NR1H4: variants seen among roughly 807,000 people sequenced by gnomAD.
NR1H4 encodes the protein bile acid receptor.
A neutral mutation model predicts 58.5 loss-of-function variants in NR1H4; 23 were observed. The ratio of observed to expected loss-of-function variants is 0.39; its 90% CI spans 0.28 to 0.56. The LOEUF is 0.56. NR1H4 is among the 20% of genes least tolerant of loss of function. The pLI is 0.58. For synonymous variants in NR1H4, 214 were observed against 198.0 expected, an observed-to-expected ratio of 1.08 and a Z score of -0.68; for missense variants, 487 against 576.9, an observed-to-expected ratio of 0.84 and a Z score of 1.60.
At chr12:100,527,196 A>G (rs2136214646) in intron 4 of NR1H4, among the ~76,000 whole-genome samples, 1 of 152,322 alleles carries the variant, frequency 6.6e-6, no homozygotes, top group Non-Finnish European at 1.5e-5. Context: ...TAAAAATGTA[A>G]ACTTCCTACT....
intron 4 of NR1H4, among the ~76,000 whole-genome samples, chr12:100,527,276 C>A (rs1191166566): frequency 6.6e-6 from 1 of 152,186 alleles, no homozygotes; most frequent in Non-Finnish European, 1.5e-5. Flanking sequence ...GCCTGTAATC[C>A]CAACAGTTTG....
intron 4 of NR1H4, among the ~76,000 whole-genome samples, chr12:100,521,301 T>C (rs558110330): frequency 5.3e-5 from 8 of 152,322 alleles, no homozygotes; most frequent in African/African-American, 1.9e-4. Flanking sequence ...TTGTAAGTAA[T>C]AACTTGGGAA....
intron 1 of NR1H4, among the ~76,000 whole-genome samples, chr12:100,489,976 A>G (rs1035438816): frequency 1.3e-5 from 2 of 152,190 alleles, no homozygotes; most frequent in Non-Finnish European, 2.9e-5. Context: ...AATCAGGGAT[A>G]ATAACTTAAA....
intron 5 of NR1H4, among the ~76,000 whole-genome samples, chr12:100,534,241 T>C (rs950308486): frequency 3.9e-5 from 6 of 152,226 alleles, no homozygotes; most frequent in African/African-American, 7.2e-5. Flanking sequence ...TGTATGATCA[T>C]TCAAAGACAT....
chr12:100,550,509 C>T (rs1031557819), intron 9 of NR1H4, among the ~76,000 whole-genome samples: 20 of 152,020 alleles, frequency 1.3e-4, no homozygotes, highest in South Asian at 4.2e-4. Context: ...GGGTTACAGG[C>T]GACAGGCAAC....
chr12:100,552,992 T>C (rs1219948048), intron 9 of NR1H4, among the ~76,000 whole-genome samples: 1 of 151,774 alleles, frequency 6.6e-6, no homozygotes, highest in Non-Finnish European at 1.5e-5. Context: ...TAACAGTAAC[T>C]GATTCCCACT....
At chr12:100,477,171 A>G (rs1478612367) in intron 1 of NR1H4, among the ~76,000 whole-genome samples, 2 of 152,164 alleles carry the variant, frequency 1.3e-5, no homozygotes, top group Admixed American at 1.3e-4. Flanking sequence ...TTTTGGCCAT[A>G]AAAGAACATC....
chr12:100,503,410 T>C, intron 3 of NR1H4: 1 of 1,597,576 alleles, frequency 6.3e-7, no homozygotes, highest in African/African-American at 1.3e-5. Flanking sequence ...TTTCAGGGGT[T>C]AGAAAATCCA....
At chr12:100,504,489 T>G (rs1953910987) in intron 3 of NR1H4, among the ~76,000 whole-genome samples, 1 of 152,232 alleles carries the variant, frequency 6.6e-6, no homozygotes. Context: ...ATTTACTATG[T>G]GTCAGCCATT....
intron 3 of NR1H4, among the ~76,000 whole-genome samples, chr12:100,502,648 A>G (rs560039072): frequency 7.3e-4 from 111 of 152,292 alleles, no homozygotes; most frequent in Non-Finnish European, 1.4e-3. Context: ...TCATCTTACA[A>G]TGGTTCAACC....
chr12:100,503,533 C>T (rs778750541), intron 3 of NR1H4: 9 of 1,544,622 alleles, frequency 5.8e-6, no homozygotes, highest in African/African-American at 2.7e-5. Context: ...AGGTCGAGCT[C>T]TTGCAACTGG....
At chr12:100,498,631 A>G (rs1344833809) in intron 3 of NR1H4, among the ~76,000 whole-genome samples, 1 of 152,100 alleles carries the variant, frequency 6.6e-6, no homozygotes, top group Admixed American at 6.5e-5. Flanking sequence ...AACCAAACAA[A>G]CAAAACAAGA....
chr12:100,545,958 G>A (rs1955060491), intron 9 of NR1H4, among the ~76,000 whole-genome samples: 2 of 152,130 alleles, frequency 1.3e-5, no homozygotes, highest in Admixed American at 6.6e-5. Context: ...TGGGCATGAA[G>A]AGCATCAGAT....
At chr12:100,545,375 C>T (rs1955036416) in intron 9 of NR1H4, among the ~76,000 whole-genome samples, 1 of 152,020 alleles carries the variant, frequency 6.6e-6, no homozygotes, top group South Asian at 2.1e-4. Context: ...CATGCTGACT[C>T]ACACCTACAA....
chr12:100,560,367 C>T (rs976627279), intron 9 of NR1H4, among the ~76,000 whole-genome samples: 5 of 151,002 alleles, frequency 3.3e-5, no homozygotes, highest in African/African-American at 9.7e-5. Flanking sequence ...CTACTGCTCA[C>T]TCTTTGGGTC....
intron 1 of NR1H4, among the ~76,000 whole-genome samples, chr12:100,490,691 C>T (rs1009789812): frequency 6.6e-6 from 1 of 152,128 alleles, no homozygotes; most frequent in Non-Finnish European, 1.5e-5. Flanking sequence ...CATATATACA[C>T]ATTATATATA....
chr12:100,563,513 A>T lies in NR1H4; in HGVS notation c.*24A>T, dbSNP rs773113824. ...GATGGGGATTACAGGGGAGGGGTCT[A>T]GCTCCTTTTTCTCTCTCATATTAAT... On this transcript the variant is annotated 3_prime_UTR_variant, in exon 11 of 11. Coordinates refer to ENST00000392986, the MANE Select transcript of NR1H4 (RefSeq NM_001206979.2). 2 of 1,555,514 alleles carry T rather than the reference A, an allele frequency of 1.3e-6. No homozygotes were observed. The highest frequency in any genetic ancestry group is 4.5e-5 in the East Asian group (2 of 44,618).
chr12:100,505,678 C>G (rs1474254583), intron 3 of NR1H4: 1 of 680,780 alleles, frequency 1.5e-6, no homozygotes, highest in Admixed American at 2.2e-5. Flanking sequence ...TTCTCATACT[C>G]TTTGATAGGC....
intron 9 of NR1H4, among the ~76,000 whole-genome samples, chr12:100,553,584 G>A (rs1048737057): frequency 2.0e-5 from 3 of 152,104 alleles, no homozygotes; most frequent in Non-Finnish European, 4.4e-5. Flanking sequence ...GCTCTTGGCC[G>A]ATAGCTACAG....
Sources: allele counts gnomAD v4.1 joint callset (sites outside exome capture counted in the v4.1 genomes callset), GRCh38; gene constraint gnomAD v4.1.1; transcripts MANE v1.5; gene names NCBI Gene and HGNC (gene_info 2026-07-23, HGNC 2026-07-21).